Variants in PTK2 observed in about 807,000 individuals in gnomAD.
The protein encoded by PTK2 is focal adhesion kinase 1.
PTK2 carries 45 observed loss-of-function variants against 150.1 expected under a neutral mutation model. That is an observed-to-expected ratio of 0.30 (90% confidence interval 0.24 to 0.38). The LOEUF (loss-of-function observed/expected upper bound fraction) is 0.38, where lower values mean the gene tolerates loss of function less well. Ranked by LOEUF, PTK2 falls within the 10% of genes least tolerant of loss-of-function variation. The pLI is 1.00. For synonymous variants in PTK2, 432 were observed against 449.2 expected, an observed-to-expected ratio of 0.96 and a Z score of 0.48; for missense variants, 919 against 1,307.3, an observed-to-expected ratio of 0.70 and a Z score of 4.58.
chr8:140,935,292 T>C (rs1603407994), intron 1 of PTK2, among the ~76,000 whole-genome samples: 3 of 152,192 alleles, frequency 2.0e-5, no homozygotes, highest in East Asian at 3.9e-4. Context: ...AAATGATTCA[T>C]ATCAACAACT....
At chr8:140,700,360 C>G (rs2100029507) in intron 26 of PTK2, among the ~76,000 whole-genome samples, 1 of 151,872 alleles carries the variant, frequency 6.6e-6, no homozygotes, top group Non-Finnish European at 1.5e-5. Flanking sequence ...TTTGTAGAGA[C>G]AGGGTCTTGC....
chr8:140,899,959 T>C (rs2100157786), intron 2 of PTK2, among the ~76,000 whole-genome samples: 1 of 152,054 alleles, frequency 6.6e-6, no homozygotes, highest in South Asian at 2.1e-4. Flanking sequence ...TATCTCAAAA[T>C]AATAAAAGGC....
intron 5 of PTK2, among the ~76,000 whole-genome samples, chr8:140,857,184 C>T (rs529826124): frequency 6.6e-6 from 1 of 152,204 alleles, no homozygotes; most frequent in Non-Finnish European, 1.5e-5. Flanking sequence ...TTCTTATATA[C>T]TATTAGCAGA....
At chr8:140,846,202 T>C (rs971994227) in intron 7 of PTK2, 58 bp downstream of exon 7, 6 of 1,367,756 alleles carry the variant, frequency 4.4e-6, no homozygotes, top group African/African-American at 1.5e-5. Context: ...AATTTTAAAA[T>C]AAACTAAGAA....
intron 1 of PTK2, among the ~76,000 whole-genome samples, chr8:140,973,019 A>C (rs1375076715): frequency 6.6e-6 from 1 of 152,246 alleles, no homozygotes; most frequent in Non-Finnish European, 1.5e-5. Flanking sequence ...TTCTGGAGAC[A>C]TCCTCACCTG....
At chr8:140,787,578 A>C (rs1479145982) in intron 14 of PTK2, among the ~76,000 whole-genome samples, 1 of 152,226 alleles carries the variant, frequency 6.6e-6, no homozygotes, top group African/African-American at 2.4e-5. Flanking sequence ...CTGAGGTTTA[A>C]ACCTTGAATG....
intron 8 of PTK2, among the ~76,000 whole-genome samples, chr8:140,830,077 A>G (rs200043803): frequency 3.1e-5 from 3 of 96,318 alleles, no homozygotes; most frequent in African/African-American, 2.0e-4. Flanking sequence ...ACATGCACGC[A>G]CACACATACA....
intron 4 of PTK2, among the ~76,000 whole-genome samples, chr8:140,870,333 C>T (rs1218305528): frequency 6.6e-6 from 1 of 152,142 alleles, no homozygotes; most frequent in East Asian, 1.9e-4. Flanking sequence ...GATAATAAAA[C>T]ACTATCTAAC....
In PTK2 at chr8:140,659,696, G is replaced by A; in HGVS notation, c.2947-18C>T. 1 of 1,596,726 alleles carries A rather than the reference G, an allele frequency of 6.3e-7. No homozygotes were observed. The highest frequency in any genetic ancestry group is 8.6e-7 in the Non-Finnish European group (1 of 1,168,338). On this transcript the variant is annotated intron_variant, in intron 31 of 31. Coordinates refer to ENST00000522684, the Ensembl canonical transcript of PTK2. Reference sequence around the variant, plus strand: ...ATCTCAATCTGAAAGACAAGAGATAGGTCAGGAGAACTGTTTTCAGTGATT... The same window carrying A: ...ATCTCAATCTGAAAGACAAGAGATAAGTCAGGAGAACTGTTTTCAGTGATT...
chr8:140,800,849 T>C (rs1258213165), intron 11 of PTK2, among the ~76,000 whole-genome samples: 1 of 152,194 alleles, frequency 6.6e-6, no homozygotes, highest in Non-Finnish European at 1.5e-5. Context: ...AGTATTTTCC[T>C]TCAGAGTGTC....
At chr8:140,855,569 T>C (rs1483980753) in intron 5 of PTK2, among the ~76,000 whole-genome samples, 1 of 151,992 alleles carries the variant, frequency 6.6e-6, no homozygotes, top group Admixed American at 6.6e-5. Flanking sequence ...CACTCCAGCC[T>C]GGACAACAGA....
chr8:140,705,888 T>C (rs1056204573), intron 24 of PTK2, among the ~76,000 whole-genome samples: 8 of 152,198 alleles, frequency 5.3e-5, no homozygotes, highest in Non-Finnish European at 1.0e-4. Context: ...TGCCTAAGAA[T>C]GGCAGCAGGC....
At chr8:140,702,700 C>T (rs766952615) in exon 25 of PTK2, 7 of 1,613,518 alleles carry the variant, frequency 4.3e-6, no homozygotes, top group Non-Finnish European at 4.2e-6. Flanking sequence ...ACCAGGGTAG[C>T]CAGAAACCTG....
chr8:140,985,599 T>C (rs547083853), intron 1 of PTK2, among the ~76,000 whole-genome samples: 1 of 152,102 alleles, frequency 6.6e-6, no homozygotes, highest in Non-Finnish European at 1.5e-5. Flanking sequence ...ACTTGGCTAA[T>C]TCCTCTCCCC....
At chr8:140,992,386 C>T (rs2100196076) in intron 1 of PTK2, among the ~76,000 whole-genome samples, 2 of 151,916 alleles carry the variant, frequency 1.3e-5, no homozygotes, top group South Asian at 4.1e-4. Flanking sequence ...AGGAGAATTG[C>T]TTGAACCCTA....
At chr8:140,852,640 AT>A (rs2100130027) in intron 5 of PTK2, among the ~76,000 whole-genome samples, 1 of 152,264 alleles carries the variant, frequency 6.6e-6, no homozygotes, top group Non-Finnish European at 1.5e-5. Flanking sequence ...TTATACCTCA[AT>A]AAAACAAATT....
intron 22 of PTK2, among the ~76,000 whole-genome samples, chr8:140,727,762 A>T (rs936047506): frequency 5.9e-5 from 9 of 152,198 alleles, no homozygotes; most frequent in Non-Finnish European, 1.5e-5. Context: ...AACATCAAAA[A>T]GATGTGCTTG....
chr8:140,985,145 T>C (rs1261182315), intron 1 of PTK2, among the ~76,000 whole-genome samples: 2 of 152,152 alleles, frequency 1.3e-5, no homozygotes, highest in African/African-American at 4.8e-5. Context: ...TTTTGTGAGA[T>C]GCGGGTTTCA....
chr8:140,949,614 C>T (rs1393381526), intron 1 of PTK2, among the ~76,000 whole-genome samples: 1 of 152,242 alleles, frequency 6.6e-6, no homozygotes, highest in African/African-American at 2.4e-5. Context: ...CACACCAGCC[C>T]CCTGCCGCCC....
Sources: gnomAD v4.1 joint callset for allele counts (sites outside exome capture counted in the v4.1 genomes callset) on GRCh38, gnomAD v4.1.1 for gene constraint, MANE v1.5 for transcripts, NCBI Gene and HGNC (gene_info 2026-07-23, HGNC 2026-07-21) for gene names.